Variants in MMP28 observed in about 807,000 individuals in gnomAD.
MMP28 encodes the protein matrix metallopeptidase 28.
In MMP28, 55 loss-of-function variants were observed where a neutral mutation model predicts 60.5. That is an observed-to-expected ratio of 0.91 (90% CI 0.73 to 1.14). MMP28 has a LOEUF of 1.14. MMP28 is among the 50% of genes most tolerant of loss of function. The pLI, the probability that MMP28 is intolerant of heterozygous loss-of-function variation, is 0.00. For synonymous variants in MMP28, 318 were observed against 312.5 expected (o/e 1.02, Z -0.18); for missense variants, 686 against 738.3 (o/e 0.93, Z 0.82).
At chr17:35,782,898 C>A (rs758042259) in intron 1 of MMP28, among the ~76,000 whole-genome samples, 1 of 152,170 alleles carries the variant, frequency 6.6e-6, no homozygotes, top group African/African-American at 2.4e-5. Context: ...GCCATCTCAG[C>A]TCACTGCAAG....
chr17:35,786,363 T>C (rs943579372), intron 1 of MMP28, among the ~76,000 whole-genome samples: 1 of 152,180 alleles, frequency 6.6e-6, no homozygotes, highest in Admixed American at 6.5e-5. Flanking sequence ...CAGCCAGGAC[T>C]CACCTTCTTA....
At chr17:35,780,177 T>C (rs35072058) in intron 1 of MMP28, among the ~76,000 whole-genome samples, 3,761 of 152,264 alleles carry the variant, frequency 0.025, 163 homozygotes, top group African/African-American at 0.085. Context: ...CAAGCAATTC[T>C]CCTGCCTCAG....
intron 1 of MMP28, among the ~76,000 whole-genome samples, chr17:35,782,617 G>A (rs1051219035): frequency 6.6e-6 from 1 of 152,094 alleles, no homozygotes; most frequent in South Asian, 2.1e-4. Context: ...TAATTCATTA[G>A]TATTTCAGAA....
rs989206323 is a variant in MMP28, at chr17:35,767,020, A to C, written c.1169-126T>G. ...GCCCACGATGGTTGGTATTCATATC[A>C]ATCAAACGGATTGCACTACAAATTA... On this transcript the variant is annotated intron_variant, in intron 7 of 7. Coordinates refer to ENST00000605424, the MANE Select transcript of MMP28 (RefSeq NM_024302.5). 5.7e-6 allele frequency: 5 copies of C among 882,996 alleles called. No homozygotes were observed. The African/African-American group carries it at 6.6e-5, about 12-fold the overall frequency. 54.7% of individuals were successfully genotyped at this position (882,996 alleles called of 1,614,324 possible).
chr17:35,795,135 C>A (rs1342632006), intron 1 of MMP28, 132 bp downstream of exon 1: 7 of 553,674 alleles, frequency 1.3e-5, no homozygotes, highest in Admixed American at 8.7e-5. Context: ...TGTTCAAGTG[C>A]GAAGGGGGCG....
chr17:35,762,060 G>A (rs1555601632), downstream of MMP28, among the ~76,000 whole-genome samples: 1 of 151,898 alleles, frequency 6.6e-6, no homozygotes, highest in Non-Finnish European at 1.5e-5. Context: ...GCGTGATCTC[G>A]GTAAACCACA....
chr17:35,776,245 C>G (rs1307512480), intron 3 of MMP28, among the ~76,000 whole-genome samples: 1 of 151,686 alleles, frequency 6.6e-6, no homozygotes, highest in Non-Finnish European at 1.5e-5. Flanking sequence ...GATTTTGGCT[C>G]ACTGCAACCT....
At chr17:35,770,787 C>T (rs1251140523) in intron 4 of MMP28, among the ~76,000 whole-genome samples, 3 of 151,874 alleles carry the variant, frequency 2.0e-5, no homozygotes, top group Non-Finnish European at 2.9e-5. Flanking sequence ...TGGTAGCTCA[C>T]GCCTATAATC....
Position 35,767,911 on chromosome 17 carries a change from G to T in MMP28, c.1009C>A (p.Gln337Lys). ...SFDAITVDRQQQLYIFKGSHF... is the reference protein window; with the variant it reads ...SFDAITVDRQKQLYIFKGSHF... ...CTCCCTTTAAAAATGTACAGTTGCT[G>T]TTGCCTGTCTGCCCAGAGACAAGAG... is the stretch of plus-strand genomic sequence containing the variant. Residue 337 changes from glutamine (Q) to lysine (K), a missense_variant, in exon 7 of 8, where the codon CAG (glutamine) becomes AAG (lysine). By Grantham distance (53) the Gln-to-Lys change is moderately conservative. Coordinates refer to ENST00000605424, the MANE Select transcript of MMP28 (RefSeq NM_024302.5). 1 of 1,584,336 alleles carries T rather than the reference G, an allele frequency of 6.3e-7. No individual in the cohort carries two copies.
Position 35,773,399 on chromosome 17 carries a change from TG to T in MMP28, c.384del (p.Asn128LysfsTer13). On this transcript the variant is annotated frameshift_variant, in exon 4 of 8. Transcript: ENST00000605424. LOFTEE classifies it high-confidence loss of function. The part of the protein sequence containing the change: ...RRKKRFAKQG[N>X]KWYKQHLSYR... ...TAGGAGAGGTGCTGCTTGTACCATT[TG>T]TTACCTGCCACCCAGAAAGCCCACG... The T allele has an allele frequency of 1.9e-6, 3 of 1,591,224 alleles. No individual in the cohort carries two copies. In the South Asian group the frequency reaches 3.4e-5, roughly 18 times the overall value.
intron 4 of MMP28, among the ~76,000 whole-genome samples, chr17:35,771,214 C>T (rs57488240): frequency 0.01 from 1,522 of 152,094 alleles, 19 homozygotes; most frequent in African/African-American, 0.035. Flanking sequence ...GGGTGGATCA[C>T]GAGGTCAAGA....
In MMP28 at chr17:35,770,330, G is replaced by T; in HGVS notation, c.605-18C>A. On this transcript the variant is annotated intron_variant, in intron 4 of 7. Coordinates refer to ENST00000605424, the MANE Select transcript of MMP28 (RefSeq NM_024302.5). ...GGCGCCCCCTGCAGGTGGGGCAGAA[G>T]GTCAGGGGGTGCCACGGCCCACGAC... 6.7e-7 allele frequency: 1 copy of T among 1,482,502 alleles called. No homozygotes were observed. The highest frequency in any genetic ancestry group is 1.4e-5 in the South Asian group (1 of 73,238). The allele number at this position is 1,482,502 out of a possible 1,614,324, so 91.8% of individuals were successfully genotyped here.
intron 1 of MMP28, among the ~76,000 whole-genome samples, chr17:35,787,940 C>T (rs2086702831): frequency 7.8e-6 from 1 of 128,836 alleles, no homozygotes; most frequent in African/African-American, 2.9e-5. Context: ...CGGTCTTGCT[C>T]GTCGCCCTGG....
chr17:35,771,706 T>TATAC (rs2086151496), intron 4 of MMP28, among the ~76,000 whole-genome samples: 1 of 20,590 alleles, frequency 4.9e-5, no homozygotes, highest in Non-Finnish European at 8.7e-5. Context: ...AATATATATA[T>TATAC]ATATATATAT....
rs1003383539 is a variant in MMP28, at chr17:35,776,615, G to A, written c.379+2273C>T. Among the ~76,000 whole-genome samples the A allele has an allele frequency of 2.1e-4, 32 of 152,128 alleles. 1 individual carries two copies. The highest frequency in any genetic ancestry group is 7.0e-4 in the African/African-American group (29 of 41,420). On this transcript the variant is annotated intron_variant, in intron 3 of 7. Coordinates refer to ENST00000605424, the MANE Select transcript of MMP28 (RefSeq NM_024302.5). ...AAAAAGAGATGCTCTGGCTGGGCAC[G>A]GTGGCTTGCGCCTGTAATCCCAGCA...
At chr17:35,794,784 A>C (rs1051383107) in intron 1 of MMP28, among the ~76,000 whole-genome samples, 9 of 152,282 alleles carry the variant, frequency 5.9e-5, no homozygotes, top group African/African-American at 2.2e-4. Flanking sequence ...CAGAAAAACT[A>C]GTTCTGAGCA....
rs765992640 is a variant in MMP28, at chr17:35,766,780, C to T, written c.1283G>A (p.Arg428His). 1.1e-5 allele frequency: 18 copies of T among 1,574,974 alleles called. No individual in the cohort carries two copies. The South Asian group carries it at 1.6e-4, about 14-fold the overall frequency. ...PDAALFFPPL[R>H]RLILFKGARY... is the part of the protein sequence containing the mutation. ...GGCACCCTTGAAGAGGATGAGGCGG[C>T]GCAGAGGAGGGAAGAAGAGGGCGGC... The change falls in exon 8 of 8, where the codon CGC becomes CAC. Residue 428 changes from arginine to histidine, a missense_variant. Transcript: ENST00000605424. The surrounding 1 kb of genome is among the most constrained non-coding windows in gnomAD (Gnocchi z 4.3).
chr17:35,767,161 C>T, intron 7 of MMP28: 2 of 682,326 alleles, frequency 2.9e-6, no homozygotes, highest in East Asian at 5.4e-5. Flanking sequence ...TCTCCACTGC[C>T]ATCATTACTA....
At chr17:35,777,961 G>T (rs187850480) in intron 3 of MMP28, among the ~76,000 whole-genome samples, 4 of 152,366 alleles carry the variant, frequency 2.6e-5, no homozygotes, top group Admixed American at 2.6e-4. Context: ...CCAGGAGGCG[G>T]AGGTTGCAGT....
Sources: gnomAD v4.1 joint callset for allele counts (sites outside exome capture counted in the v4.1 genomes callset) on GRCh38, gnomAD v4.1.1 for gene constraint, Gnocchi (gnomAD v3.1) non-coding constraint, MANE v1.5 for transcripts, NCBI Gene and HGNC (gene_info 2026-07-23, HGNC 2026-07-21) for gene names.